Variants in TUT7 observed in about 807,000 individuals in gnomAD.
TUT7 encodes the protein terminal uridylyl transferase 7.
Under a neutral mutation model 165.9 loss-of-function variants are expected in TUT7, and 33 were observed. The ratio of observed to expected loss-of-function variants is 0.20; its 90% CI spans 0.15 to 0.27. The LOEUF is 0.27. TUT7 is among the 10% of genes least tolerant of loss of function. The pLI, the probability that TUT7 is intolerant of heterozygous loss-of-function variation, is 1.00. For synonymous variants in TUT7, 552 were observed against 608.1 expected (o/e 0.91, Z 1.36); for missense variants, 1,338 against 1,762.3 (o/e 0.76, Z 4.31).
chr9:86,336,303 T>C (rs1340900622), intron 10 of TUT7, among the ~76,000 whole-genome samples: 1 of 152,184 alleles, frequency 6.6e-6, no homozygotes. Flanking sequence ...CAACTAAGGG[T>C]TGACTTTGTT....
At chr9:86,330,353 C>T (rs1830202400) in intron 10 of TUT7, among the ~76,000 whole-genome samples, 1 of 152,222 alleles carries the variant, frequency 6.6e-6, no homozygotes, top group South Asian at 2.1e-4. Flanking sequence ...AGCCACCATG[C>T]CCGGCCCTGT....
intron 6 of TUT7, among the ~76,000 whole-genome samples, chr9:86,341,357 A>G (rs1417532809): frequency 1.3e-5 from 2 of 152,202 alleles, no homozygotes; most frequent in African/African-American, 4.8e-5. Flanking sequence ...TCAAACTGCT[A>G]ACAATATTAC....
chr9:86,312,900 T>C (rs1828332338), intron 17 of TUT7, among the ~76,000 whole-genome samples: 1 of 152,176 alleles, frequency 6.6e-6, no homozygotes, highest in African/African-American at 2.4e-5. Flanking sequence ...GTTAAACAGA[T>C]GCTTGAAGGC....
In TUT7 at chr9:86,311,837, G is replaced by C. The variant is rs11141338; in HGVS notation, c.3275-1028C>G. 0.31 allele frequency among the ~76,000 whole-genome samples: 47,500 copies of C among 152,016 alleles called. 8,818 individuals are homozygous for C. Among genetic ancestry groups the C allele is most frequent in the African/African-American group, 0.5 (20,708 of 41,406 alleles). On this transcript the variant is annotated intron_variant, in intron 17 of 26. Transcript: ENST00000375963. The surrounding 1 kb of genome is among the most constrained non-coding windows in gnomAD (Gnocchi z 4.4). Reference sequence around the variant, plus strand: ...GGGTTTCGCTGTGTTGGCCGGGCTGGTCTCCAGCTCCTAACCACGAGTGAT... The same window carrying C: ...GGGTTTCGCTGTGTTGGCCGGGCTGCTCTCCAGCTCCTAACCACGAGTGAT...
intron 6 of TUT7, among the ~76,000 whole-genome samples, chr9:86,341,337 TG>T (rs1434129050): frequency 2.0e-5 from 3 of 152,226 alleles, no homozygotes; most frequent in Non-Finnish European, 4.4e-5. Context: ...AAGTGGTAGC[TG>T]GAAGTTTGTC....
intron 10 of TUT7, among the ~76,000 whole-genome samples, chr9:86,329,111 G>A (rs1283149630): frequency 6.6e-6 from 1 of 152,176 alleles, no homozygotes; most frequent in Non-Finnish European, 1.5e-5. Context: ...AATTTTATGT[G>A]CTATTAATGA....
At chr9:86,300,564 G>A (rs896178771) in intron 26 of TUT7, among the ~76,000 whole-genome samples, 9 of 152,128 alleles carry the variant, frequency 5.9e-5, no homozygotes, top group African/African-American at 2.2e-4. Flanking sequence ...ACACACACAA[G>A]GTACCCTTAT....
intron 10 of TUT7, among the ~76,000 whole-genome samples, chr9:86,336,015 TCTC>T (rs1016024171): frequency 1.3e-5 from 2 of 152,182 alleles, no homozygotes; most frequent in African/African-American, 4.8e-5. Context: ...CTTAGGAGAA[TCTC>T]ATCACCAGAA....
chr9:86,314,931 G>A (rs1828558698), intron 17 of TUT7, among the ~76,000 whole-genome samples: 2 of 151,910 alleles, frequency 1.3e-5, no homozygotes, highest in South Asian at 2.1e-4. Flanking sequence ...TTTTCAAATC[G>A]TGTTCACCAT....
At chr9:86,338,096 A>T (rs1830985415) in intron 9 of TUT7, among the ~76,000 whole-genome samples, 1 of 152,106 alleles carries the variant, frequency 6.6e-6, no homozygotes, top group African/African-American at 2.4e-5. Context: ...GCCAGTGAAG[A>T]GTGGGAAATC....
At chr9:86,346,187 C>T in intron 3 of TUT7, 112 bp downstream of exon 3, 2 of 1,028,626 alleles carry the variant, frequency 1.9e-6, no homozygotes, top group East Asian at 2.4e-5. Context: ...TGCTTAAATA[C>T]TGATAACCAA....
chr9:86,306,325 G>A (rs1016172444), intron 22 of TUT7, among the ~76,000 whole-genome samples: 1 of 152,160 alleles, frequency 6.6e-6, no homozygotes, highest in African/African-American at 2.4e-5. Flanking sequence ...TTGAGATTGA[G>A]ACTATCAGTT....
chr9:86,320,810 T>C (rs1183114014), intron 14 of TUT7, among the ~76,000 whole-genome samples: 5 of 152,170 alleles, frequency 3.3e-5, no homozygotes, highest in Admixed American at 2.6e-4. Flanking sequence ...GGGAAAATTA[T>C]GAACTGAGAC....
chr9:86,339,955 A>T (rs1456592825), intron 8 of TUT7, 81 bp downstream of exon 8: 6 of 1,031,430 alleles, frequency 5.8e-6, no homozygotes, highest in Non-Finnish European at 4.6e-6. Flanking sequence ...AATTCTAGAA[A>T]TTGGACATTA....
At chr9:86,354,221 G>A (rs1832552454) in intron 1 of TUT7, 50 bp downstream of exon 1, 1 of 152,662 alleles carries the variant, frequency 6.6e-6, no homozygotes, top group African/African-American at 2.4e-5. Context: ...GGGGTTCCTC[G>A]GTCACCCAAA....
At chr9:86,325,732 C>T (rs1829729380) in intron 11 of TUT7, among the ~76,000 whole-genome samples, 1 of 152,158 alleles carries the variant, frequency 6.6e-6, no homozygotes, top group South Asian at 2.1e-4. Flanking sequence ...TGCTATAATC[C>T]AGTCATTATC....
At chr9:86,336,826 ATCAAC>A (rs2131539899) in intron 10 of TUT7, 1 of 152,396 alleles carries the variant, frequency 6.6e-6, no homozygotes, top group African/African-American at 2.4e-5. Flanking sequence ...ACTTGAACAA[ATCAAC>A]TCAACATTAA....
intron 3 of TUT7, 53 bp from the exon 4 acceptor site, chr9:86,345,838 C>A: frequency 7.9e-7 from 1 of 1,268,964 alleles, no homozygotes; most frequent in South Asian, 1.3e-5. Context: ...ACCAAACATT[C>A]AGATAAACAA....
At chr9:86,318,832 T>G in intron 16 of TUT7, 126 bp downstream of exon 16, 1 of 597,240 alleles carries the variant, frequency 1.7e-6, no homozygotes, top group South Asian at 2.7e-5. Flanking sequence ...GGCCAGAGAC[T>G]GTGCCAAACA....
Sources: gnomAD v4.1 joint callset for allele counts (sites outside exome capture counted in the v4.1 genomes callset) on GRCh38, gnomAD v4.1.1 for gene constraint, Gnocchi (gnomAD v3.1) non-coding constraint, MANE v1.5 for transcripts, NCBI Gene and HGNC (gene_info 2026-07-23, HGNC 2026-07-21) for gene names.